PKP4: variants seen among roughly 807,000 people sequenced by gnomAD.
PKP4 encodes the protein plakophilin 4.
A neutral mutation model predicts 145.1 loss-of-function variants in PKP4; 90 were observed. The ratio of observed to expected loss-of-function variants is 0.62; its 90% CI spans 0.52 to 0.74. PKP4 has a LOEUF of 0.74. Among genes scored for constraint, PKP4 ranks in the 30% least tolerant of loss-of-function variants. PKP4 has a pLI of 0.00. For missense variants in PKP4, 1,340 were observed against 1,482.7 expected (o/e 0.90, Z 1.58); for synonymous variants, 563 against 577.2 (o/e 0.98, Z 0.35).
intron 11 of PKP4, among the ~76,000 whole-genome samples, chr2:158,656,858 C>G (rs780259845): frequency 7.9e-5 from 12 of 152,144 alleles, no homozygotes; most frequent in Non-Finnish European, 1.6e-4. Flanking sequence ...CCCATACCAC[C>G]CTCTTTTACA....
intron 3 of PKP4, among the ~76,000 whole-genome samples, chr2:158,600,362 A>G (rs2050129548): frequency 6.6e-6 from 1 of 152,194 alleles, no homozygotes; most frequent in Admixed American, 6.5e-5. Flanking sequence ...TGGCATCTTC[A>G]GAAGAGAAGT....
intron 1 of PKP4, among the ~76,000 whole-genome samples, chr2:158,508,334 C>A (rs1482970190): frequency 7.0e-6 from 1 of 142,158 alleles, no homozygotes; most frequent in South Asian, 2.2e-4. Flanking sequence ...CCATTGCACT[C>A]CAGCCTGGGC....
chr2:158,604,024 G>A (rs1272036533), intron 4 of PKP4, among the ~76,000 whole-genome samples: 1 of 152,176 alleles, frequency 6.6e-6, no homozygotes, highest in Non-Finnish European at 1.5e-5. Context: ...TCAAACTGTT[G>A]ATGAGGCAGA....
intron 2 of PKP4, among the ~76,000 whole-genome samples, chr2:158,571,131 A>G (rs1030054103): frequency 6.6e-6 from 1 of 152,262 alleles, no homozygotes; most frequent in South Asian, 2.1e-4. Context: ...GCTGTTTCTT[A>G]ATTGTCGTCA....
chr2:158,540,304 C>G (rs1284272203), intron 2 of PKP4, among the ~76,000 whole-genome samples: 3 of 152,174 alleles, frequency 2.0e-5, no homozygotes, highest in Non-Finnish European at 4.4e-5. Flanking sequence ...GCTGTTCACA[C>G]ATAACTGGAT....
intron 11 of PKP4, among the ~76,000 whole-genome samples, chr2:158,647,836 T>G (rs1423215250): frequency 6.6e-6 from 1 of 152,222 alleles, no homozygotes; most frequent in Non-Finnish European, 1.5e-5. Flanking sequence ...GTTCCCCAGT[T>G]TGGTTATAAA....
intron 4 of PKP4, among the ~76,000 whole-genome samples, chr2:158,614,406 G>A (rs1298226320): frequency 2.0e-5 from 3 of 152,186 alleles, no homozygotes; most frequent in Non-Finnish European, 4.4e-5. Context: ...GGTCAGCCCT[G>A]ACATAAATGA....
At chr2:158,652,807 C>G (rs1000461729) in intron 11 of PKP4, among the ~76,000 whole-genome samples, 5 of 152,162 alleles carry the variant, frequency 3.3e-5, no homozygotes, top group Non-Finnish European at 5.9e-5. Context: ...CTGTTAGCCA[C>G]TGGTCATGAC....
At chr2:158,629,515 T>A (rs2053149560) in intron 7 of PKP4, among the ~76,000 whole-genome samples, 1 of 152,202 alleles carries the variant, frequency 6.6e-6, no homozygotes, top group Non-Finnish European at 1.5e-5. Flanking sequence ...AGCCAGTAGC[T>A]AAAACCCACA....
Position 158,678,350 on chromosome 2 carries a change from C to T in PKP4, c.3257-231C>T, listed in dbSNP as rs563506656. 4.6e-5 allele frequency among the ~76,000 whole-genome samples: 7 copies of T among 152,310 alleles called. No individual in the cohort carries two copies. The South Asian group carries it at 1.0e-3, about 23-fold the overall frequency. ...TGGCATTGCTTTTTGGGGAAACACA[C>T]ACAGCCTGTTTCTGCCATAGTTTTG... On this transcript the variant is annotated intron_variant, in intron 20 of 21. Coordinates refer to ENST00000389759, the MANE Select transcript of PKP4 (RefSeq NM_003628.6).
In PKP4 at chr2:158,457,051, G is replaced by T. The variant is rs1688846311; in HGVS notation, c.-173G>T. 1 of 150,766 alleles carries T rather than the reference G, an allele frequency of 6.6e-6. No homozygotes were observed. Among genetic ancestry groups the T allele is most frequent in the African/African-American group, 2.4e-5 (1 of 41,232 alleles). The allele number at this position is 150,766 out of a possible 1,614,324, so 9.3% of individuals were successfully genotyped here. On this transcript the variant is annotated 5_prime_UTR_variant, in exon 1 of 22. Transcript: ENST00000389759. ...GGCAAGTTGGCCACCGCCGCCGCCG[G>T]GGGTGGTGGGAGAGCCGCTCCGGGG...
intron 11 of PKP4, among the ~76,000 whole-genome samples, chr2:158,654,393 C>G (rs2105959495): frequency 6.6e-6 from 1 of 152,218 alleles, no homozygotes; most frequent in African/African-American, 2.4e-5. Context: ...CTATAGTAGG[C>G]TAGTGTTATG....
chr2:158,660,980 A>G (rs1384198690), intron 12 of PKP4: 1 of 164,870 alleles, frequency 6.1e-6, no homozygotes, highest in African/African-American at 2.4e-5. Flanking sequence ...CTATGTAGCA[A>G]CTCGTTTCTT....
At chr2:158,664,129 T>C (rs2056869097) in intron 15 of PKP4, among the ~76,000 whole-genome samples, 1 of 152,144 alleles carries the variant, frequency 6.6e-6, no homozygotes, top group African/African-American at 2.4e-5. Flanking sequence ...CCCACTTCCA[T>C]GGCAGTGCAA....
chr2:158,657,323 G>A (rs1174404399), intron 11 of PKP4, among the ~76,000 whole-genome samples: 6 of 152,088 alleles, frequency 3.9e-5, no homozygotes, highest in Non-Finnish European at 8.8e-5. Context: ...CTCATACTTG[G>A]TGCAAAAATT....
At chr2:158,646,774 G>A (rs1197750390) in intron 11 of PKP4, among the ~76,000 whole-genome samples, 1 of 152,190 alleles carries the variant, frequency 6.6e-6, no homozygotes, top group Non-Finnish European at 1.5e-5. Flanking sequence ...CATCCATCCA[G>A]TGCATGAATC....
chr2:158,522,215 T>C (rs1417406265), intron 1 of PKP4, among the ~76,000 whole-genome samples: 1 of 152,160 alleles, frequency 6.6e-6, no homozygotes, highest in Non-Finnish European at 1.5e-5. Flanking sequence ...AAAAATCCAG[T>C]ATTTAGTTGA....
At chr2:158,502,692 G>T (rs969273215) in intron 1 of PKP4, among the ~76,000 whole-genome samples, 5 of 152,290 alleles carry the variant, frequency 3.3e-5, no homozygotes, top group African/African-American at 1.2e-4. Flanking sequence ...TTAGGGAACT[G>T]CCCAATTGCA....
At chr2:158,470,037 A>G (rs767527768) in intron 1 of PKP4, among the ~76,000 whole-genome samples, 16 of 152,190 alleles carry the variant, frequency 1.1e-4, no homozygotes, top group Non-Finnish European at 2.2e-4. Flanking sequence ...CACTTTGCAC[A>G]TAACTCTGCT....
Sources: gnomAD v4.1 joint callset for allele counts (sites outside exome capture counted in the v4.1 genomes callset) on GRCh38, gnomAD v4.1.1 for gene constraint, MANE v1.5 for transcripts, NCBI Gene and HGNC (gene_info 2026-07-23, HGNC 2026-07-21) for gene names.